Variants in DPYSL2 observed in about 807,000 individuals in gnomAD.
DPYSL2 encodes the protein dihydropyrimidinase like 2.
Under a neutral mutation model 69.9 loss-of-function variants are expected in DPYSL2, and 13 were observed. The ratio of observed to expected loss-of-function variants is 0.19; its 90% confidence interval spans 0.12 to 0.30. The LOEUF (loss-of-function observed/expected upper bound fraction) is 0.30. DPYSL2 is among the 10% of genes least tolerant of loss of function. The probability of loss-of-function intolerance (pLI) is 1.00; values close to 1 mark genes in which losing one functional copy is unlikely to be tolerated. For synonymous variants in DPYSL2, 326 were observed against 359.1 expected (o/e 0.91, Z 1.04); for missense variants, 587 against 918.9 (o/e 0.64, Z 4.67).
chr8:26,608,032 A>T (rs191812846), intron 3 of DPYSL2, among the ~76,000 whole-genome samples: 65 of 149,786 alleles, frequency 4.3e-4, no homozygotes, highest in African/African-American at 1.5e-3. Flanking sequence ...AGCCTAGATC[A>T]CGCCACTGCA....
In DPYSL2 at chr8:26,647,975, G is replaced by A. The variant is rs1803207438; in HGVS notation, c.1596+175G>A. Among the ~76,000 whole-genome samples the A allele has an allele frequency of 6.6e-6, 1 of 152,172 alleles. No homozygotes were observed. The highest frequency in any genetic ancestry group is 2.4e-5 in the African/African-American group (1 of 41,452). ...AAGAATAGTTATTTCATTTTCTTTA[G>A]TGAGGTCAATAAGATTGTTACTCTC... On this transcript the variant is annotated intron_variant, in intron 11 of 13. Coordinates refer to ENST00000521913, the MANE Select transcript of DPYSL2 (RefSeq NM_001197293.3). This position sits in a 1 kb window ranked among gnomAD's most constrained non-coding sequence, Gnocchi z 5.1.
intron 1 of DPYSL2, among the ~76,000 whole-genome samples, chr8:26,570,234 T>C (rs1385666355): frequency 9.5e-6 from 1 of 104,906 alleles, no homozygotes; most frequent in African/African-American, 2.9e-5. Flanking sequence ...ATGTTTCCTA[T>C]GAGGGGAGGG....
intron 1 of DPYSL2, among the ~76,000 whole-genome samples, chr8:26,556,328 G>GTATA (rs1384916044): frequency 4.5e-4 from 8 of 17,674 alleles, no homozygotes; most frequent in Non-Finnish European, 8.7e-4. Flanking sequence ...TATATATATA[G>GTATA]TATATATATA....
chr8:26,579,012 G>A (rs1039925881), intron 1 of DPYSL2, among the ~76,000 whole-genome samples: 3 of 152,162 alleles, frequency 2.0e-5, no homozygotes, highest in Non-Finnish European at 2.9e-5. Flanking sequence ...GCGGGGATTC[G>A]GGCTCTTTTT....
intron 1 of DPYSL2, among the ~76,000 whole-genome samples, chr8:26,572,500 A>G (rs1801254082): frequency 6.6e-6 from 1 of 151,688 alleles, no homozygotes. Context: ...AATGAGTAAG[A>G]CTTTTTTGTT....
At chr8:26,521,589 C>A (rs1339687424) in intron 1 of DPYSL2, among the ~76,000 whole-genome samples, 1 of 151,932 alleles carries the variant, frequency 6.6e-6, no homozygotes, top group East Asian at 1.9e-4. Context: ...TGTTGTGTAA[C>A]CATTGCCACT....
At chr8:26,543,182 A>T (rs746501264) in intron 1 of DPYSL2, among the ~76,000 whole-genome samples, 27 of 152,204 alleles carry the variant, frequency 1.8e-4, no homozygotes, top group Non-Finnish European at 3.7e-4. Flanking sequence ...TGTCTAAGAT[A>T]ATTCATTATC....
chr8:26,543,766 C>T lies in DPYSL2; in HGVS notation c.354+29087C>T, dbSNP rs569031131. On this transcript the variant is annotated intron_variant, in intron 1 of 13. Coordinates refer to ENST00000521913, the MANE Select transcript of DPYSL2 (RefSeq NM_001197293.3). ...CCTCCCAAAGTGCTGGGATTACAGGCGTGAGCCACCGCGCCTGGCCACTAG... is the reference window on the plus strand; with the variant it reads ...CCTCCCAAAGTGCTGGGATTACAGGTGTGAGCCACCGCGCCTGGCCACTAG... Among the ~76,000 whole-genome samples, 3 of 152,314 alleles carry T rather than the reference C, an allele frequency of 2.0e-5. No individual in the cohort carries two copies. In the East Asian group the frequency reaches 5.8e-4, roughly 29 times the overall value.
In DPYSL2 at chr8:26,617,364, G is replaced by A. The variant is rs377349554; in HGVS notation, c.629-6779G>A. Among the ~76,000 whole-genome samples the A allele has an allele frequency of 3.3e-5, 5 of 152,256 alleles. No homozygotes were observed. The highest frequency in any genetic ancestry group is 9.6e-5 in the African/African-American group (4 of 41,542). ...TAATAAAATTAGACAGTGTGGTGGC[G>A]CACGCCTGTGGTCCTAGCTATTTGG... On this transcript the variant is annotated intron_variant, in intron 3 of 13. Transcript: ENST00000521913. This position sits in a 1 kb window ranked among gnomAD's most constrained non-coding sequence, Gnocchi z 4.7.
rs995844892 is a variant in DPYSL2 at position 26,591,954 on chromosome 8, C to T, written c.628+7971C>T. Among the ~76,000 whole-genome samples the T allele has an allele frequency of 3.3e-5, 5 of 152,158 alleles. No homozygotes were observed. Among genetic ancestry groups the T allele is most frequent in the Admixed American group, 1.3e-4 (2 of 15,284 alleles). On this transcript the variant is annotated intron_variant, in intron 3 of 13. Transcript: ENST00000521913. The surrounding 1 kb of genome is among the most constrained non-coding windows in gnomAD (Gnocchi z 5.8). ...TGTTTAGTAAGCAGGCATATACCCA[C>T]GGAGTCGCTTAAGAAAACACCTAAC...
rs1554533021 is a variant in DPYSL2 at position 26,537,611 on chromosome 8, T to TACACACACACAAACACACAC, written c.354+22943_354+22944insAACACACACACACACACACA. On this transcript the variant is annotated intron_variant, in intron 1 of 13. Coordinates refer to ENST00000521913, the MANE Select transcript of DPYSL2 (RefSeq NM_001197293.3). ...ATTGACCTTACTATCATTCTCTCTC[T>TACACACACACAAACACACAC]ACACACACACACACACACACACAAC... Among the ~76,000 whole-genome samples the TACACACACACAAACACACAC allele has an allele frequency of 4.5e-4, 66 of 147,654 alleles. 1 individual carries two copies. Among genetic ancestry groups the TACACACACACAAACACACAC allele is most frequent in the African/African-American group, 1.5e-3 (62 of 40,238 alleles).
rs1282604466 is a variant in DPYSL2 at position 26,644,124 on chromosome 8, C to T, written c.1425+33C>T. On this transcript the variant is annotated intron_variant, in intron 10 of 13. Transcript: ENST00000521913. The surrounding 1 kb of genome is among the most constrained non-coding windows in gnomAD (Gnocchi z 4.5). ...GCGATGGCCTCACTCCTTGGTGGCT[C>T]TCAGCCTTCCTTGTCCTCCTCATCT... The T allele has an allele frequency of 6.2e-7, 1 of 1,607,880 alleles. No homozygotes were observed.
At chr8:26,639,991 A>T (rs114217522) in intron 8 of DPYSL2, among the ~76,000 whole-genome samples, 2,056 of 152,290 alleles carry the variant, frequency 0.014, 42 homozygotes, top group African/African-American at 0.044. Flanking sequence ...GTCTGGCATA[A>T]ATTCTTGGAA....
chr8:26,529,581 G>T (rs1800464713), intron 1 of DPYSL2, among the ~76,000 whole-genome samples: 1 of 151,950 alleles, frequency 6.6e-6, no homozygotes, highest in East Asian at 1.9e-4. Flanking sequence ...CCTACCAAAG[G>T]GCTGGGATTA....
intron 1 of DPYSL2, among the ~76,000 whole-genome samples, chr8:26,524,716 C>A (rs979441464): frequency 7.2e-6 from 1 of 138,612 alleles, no homozygotes; most frequent in Non-Finnish European, 1.5e-5. Context: ...GCAGGAGAAT[C>A]GCTTGAACCT....
At chr8:26,557,171 G>T (rs549432940) in intron 1 of DPYSL2, among the ~76,000 whole-genome samples, 6 of 49,894 alleles carry the variant, frequency 1.2e-4, no homozygotes, top group East Asian at 8.6e-4. Context: ...CAAAAGCATG[G>T]TCCATGAAAA....
Position 26,627,990 on chromosome 8 carries a change from T to C in DPYSL2, c.1005+50T>C. 1 of 1,571,048 alleles carries C rather than the reference T, an allele frequency of 6.4e-7. No homozygotes were observed. The highest frequency in any genetic ancestry group is 8.7e-7 in the Non-Finnish European group (1 of 1,150,630). ...GTGAATCAGTGTCCCTTGGGCACTG[T>C]GCAGAGCCTCAGGGAACCTGCTTCC... On this transcript the variant is annotated intron_variant, in intron 7 of 13. Coordinates refer to ENST00000521913, the MANE Select transcript of DPYSL2 (RefSeq NM_001197293.3). The surrounding 1 kb of genome is among the most constrained non-coding windows in gnomAD (Gnocchi z 6.9).
At chr8:26,561,730 G>A (rs1027827720) in intron 1 of DPYSL2, among the ~76,000 whole-genome samples, 10 of 152,154 alleles carry the variant, frequency 6.6e-5, no homozygotes, top group Non-Finnish European at 1.3e-4. Flanking sequence ...CAGGGCCTTC[G>A]TCAGATTCTC....
intron 1 of DPYSL2, among the ~76,000 whole-genome samples, chr8:26,538,382 G>C (rs1431625086): frequency 6.6e-6 from 1 of 152,174 alleles, no homozygotes; most frequent in Non-Finnish European, 1.5e-5. Context: ...ACATAGAAAA[G>C]TGTAGGAAGC....
Sources: gnomAD v4.1 joint callset for allele counts (sites outside exome capture counted in the v4.1 genomes callset) on GRCh38, gnomAD v4.1.1 for gene constraint, Gnocchi (gnomAD v3.1) non-coding constraint, MANE v1.5 for transcripts, NCBI Gene and HGNC (gene_info 2026-07-23, HGNC 2026-07-21) for gene names.